The following ASXL1 variants were observed in gnomAD, a reference collection of about 807,000 sequenced individuals.
The protein encoded by ASXL1 is ASXL transcriptional regulator 1.
ASXL1 carries 65 observed loss-of-function variants against 89.1 expected under a neutral mutation model. The observed-to-expected ratio is 0.73, with a 90% CI of 0.60 to 0.90. ASXL1 has a LOEUF of 0.90. ASXL1 is among the 40% of genes least tolerant of loss of function. ASXL1 has a pLI of 0.00. For synonymous variants in ASXL1, 739 were observed against 746.9 expected, an observed-to-expected ratio of 0.99 and a Z score of 0.17; for missense variants, 1,786 against 1,942.9, an observed-to-expected ratio of 0.92 and a Z score of 1.52.
chr20:32,419,764 C>G (rs1317526284), intron 4 of ASXL1, among the ~76,000 whole-genome samples: 1 of 151,480 alleles, frequency 6.6e-6, no homozygotes, highest in Non-Finnish European at 1.5e-5. Flanking sequence ...TCACTGCAAC[C>G]TCCGTCTCCC....
chr20:32,436,982 C>T lies in ASXL1; in HGVS notation c.4270C>T (p.Pro1424Ser). The T allele has an allele frequency of 8.7e-6, 14 of 1,614,042 alleles. No homozygotes were observed. The highest frequency in any genetic ancestry group is 1.2e-5 in the Non-Finnish European group (14 of 1,180,000). Reference protein sequence around the residue: ...PREPGKGLSEPLEPSSLPSQL... With the variant: ...PREPGKGLSESLEPSSLPSQL... ...AGAGCCAGGGAAGGGGCTCAGTGAG[C>T]CTCTGGAGCCTTCTTCTCTCCCCTC... Residue 1424 changes from proline (P) to serine (S), a missense_variant, in exon 13 of 13, where the codon CCT (proline) becomes TCT (serine). Transcript: ENST00000375687.
intron 4 of ASXL1, among the ~76,000 whole-genome samples, chr20:32,409,549 A>C (rs1487217430): frequency 6.6e-6 from 1 of 152,184 alleles, no homozygotes; most frequent in Non-Finnish European, 1.5e-5. Flanking sequence ...TCAGAAAATT[A>C]ATGTTGATAT....
intron 4 of ASXL1, among the ~76,000 whole-genome samples, chr20:32,375,744 A>G (rs2048367729): frequency 6.6e-6 from 1 of 151,078 alleles, no homozygotes; most frequent in African/African-American, 2.4e-5. Context: ...GTGCAGTGGC[A>G]TGATCACGGC....
chr20:32,432,590 A>T, intron 10 of ASXL1: 1 of 382,508 alleles, frequency 2.6e-6, no homozygotes, highest in South Asian at 2.3e-5. Flanking sequence ...GGCCTTTCTA[A>T]GAGTAAACAA....
At chr20:32,379,517 C>T (rs1286069964) in intron 4 of ASXL1, among the ~76,000 whole-genome samples, 1 of 151,036 alleles carries the variant, frequency 6.6e-6, no homozygotes, top group East Asian at 2.0e-4. Flanking sequence ...CAACATTATT[C>T]ACTTTTGTTG....
At position 32,372,440 on chromosome 20, in the gene ASXL1, G is replaced by C. The variant is rs932213321; in HGVS notation, c.252+3317G>C. 7.9e-5 allele frequency: 85 copies of C among 1,076,640 alleles called. 1 individual carries two copies. The East Asian group carries it at 4.2e-3, about 53-fold the overall frequency. 66.7% of individuals were successfully genotyped at this position (1,076,640 alleles called of 1,614,324 possible). A position where few individuals can be genotyped will look rare whatever the true frequency, so the allele number is the denominator to read the frequency against. ...TTTTAATGGATTAATGGTTTGCTTG[G>C]TTGGTTCCTCTAGTTAGACTGTAAA... On this transcript the variant is annotated intron_variant, in intron 4 of 12. Transcript: ENST00000375687.
chr20:32,391,868 C>T (rs1447345120), intron 4 of ASXL1, among the ~76,000 whole-genome samples: 1 of 152,126 alleles, frequency 6.6e-6, no homozygotes, highest in Non-Finnish European at 1.5e-5. Context: ...TTGATATAGT[C>T]ACTCCAGTTC....
chr20:32,376,965 G>A (rs1000735396), intron 4 of ASXL1, among the ~76,000 whole-genome samples: 4 of 138,656 alleles, frequency 2.9e-5, no homozygotes, highest in Non-Finnish European at 3.1e-5. Context: ...GGCCAGGCAC[G>A]TGGCTCATGC....
At position 32,437,483 on chromosome 20, in the gene ASXL1, G is replaced by C. The variant is rs1390595902; in HGVS notation, c.*145G>C. ...TTCCCCCAAAATTTACACTGCTAAA[G>C]CCCTCTGTCACTTGGCGACCCTTCT... is the stretch of plus-strand genomic sequence containing the variant. On this transcript the variant is annotated 3_prime_UTR_variant, in exon 13 of 13. Transcript: ENST00000375687. 1 of 1,302,160 alleles carries C rather than the reference G, an allele frequency of 7.7e-7. No homozygotes were observed. Among genetic ancestry groups the C allele is most frequent in the African/African-American group, 1.5e-5 (1 of 68,400 alleles). 80.7% of individuals were successfully genotyped at this position (1,302,160 alleles called of 1,614,324 possible).
chr20:32,433,360 G>C lies in ASXL1; in HGVS notation c.1162G>C (p.Val388Leu), dbSNP rs145699348. 1.4e-5 allele frequency: 23 copies of C among 1,614,184 alleles called. No homozygotes were observed. The highest frequency in any genetic ancestry group is 1.9e-5 in the Non-Finnish European group (23 of 1,180,020). The change falls in exon 12 of 13, where the codon GTC becomes CTC. Residue 388 changes from valine to leucine, a missense_variant. Val to Leu is a conservative substitution (Grantham distance 32, BLOSUM62 1). Transcript: ENST00000375687. ...GGCTGAAATCAAAAGTGGCTTGTGT[G>C]TCCCAGGAGAATCAGTGCGTATACA... is the stretch of plus-strand genomic sequence containing the variant. ...EEAEIKSGLC[V>L]PGESVRIQRG...
chr20:32,374,566 A>T (rs534582882), intron 4 of ASXL1, among the ~76,000 whole-genome samples: 1 of 152,280 alleles, frequency 6.6e-6, no homozygotes, highest in South Asian at 2.1e-4. Flanking sequence ...AAGTGCTGGG[A>T]TTACAGGTGT....
rs2011803887 is a variant in ASXL1 at position 32,435,692 on chromosome 20, C to T, written c.2980C>T (p.Pro994Ser). 2 of 1,614,066 alleles carry T rather than the reference C, an allele frequency of 1.2e-6. No homozygotes were observed. Among genetic ancestry groups the T allele is most frequent in the Non-Finnish European group, 8.5e-7 (1 of 1,180,038 alleles). Residue 994 changes from proline (P) to serine (S), a missense_variant, in exon 13 of 13, where the codon CCT becomes TCT. Transcript: ENST00000375687. ...KINGDSEALS[P>S]HGESTDTASD... Reference sequence around the variant, plus strand: ...CAACGGAGACTCTGAAGCACTGAGTCCTCACGGTGAGTCCACGGATACAGC... The same window carrying T: ...CAACGGAGACTCTGAAGCACTGAGTTCTCACGGTGAGTCCACGGATACAGC...
intron 1 of ASXL1, among the ~76,000 whole-genome samples, chr20:32,362,680 C>T (rs1426132739): frequency 6.6e-6 from 1 of 152,088 alleles, no homozygotes; most frequent in Non-Finnish European, 1.5e-5. Flanking sequence ...AAAAACCTTT[C>T]GTAGAGGAAA....
rs148069671 is a variant in ASXL1 at position 32,385,361 on chromosome 20, A to G, written c.252+16238A>G. Reference sequence around the variant, plus strand: ...GTCAGTTCTCAAATGTTTGAGAAGCATGCTCAAGGATCTGGAGGAATAGCT... The same window carrying G: ...GTCAGTTCTCAAATGTTTGAGAAGCGTGCTCAAGGATCTGGAGGAATAGCT... On this transcript the variant is annotated intron_variant, in intron 4 of 12. Coordinates refer to ENST00000375687, the MANE Select transcript of ASXL1 (RefSeq NM_015338.6). Among the ~76,000 whole-genome samples, 211 of 152,342 alleles carry G rather than the reference A, an allele frequency of 1.4e-3. 2 individuals are homozygous for G. Among genetic ancestry groups the G allele is most frequent in the African/African-American group, 5.0e-3 (208 of 41,588 alleles).
intron 10 of ASXL1, 40 bp downstream of exon 10, chr20:32,431,719 C>A (rs372718099): frequency 1.9e-6 from 3 of 1,595,400 alleles, no homozygotes; most frequent in Admixed American, 1.7e-5. Flanking sequence ...TGCGACGCAC[C>A]TGTCGTGTGG....
intron 4 of ASXL1, among the ~76,000 whole-genome samples, chr20:32,401,259 G>A (rs1248232433): frequency 1.3e-5 from 2 of 152,110 alleles, no homozygotes; most frequent in African/African-American, 4.8e-5. Flanking sequence ...ATTATCACTA[G>A]TCAGGTTATA....
chr20:32,429,750 A>AG lies in ASXL1; in HGVS notation c.566-150dup. On this transcript the variant is annotated intron_variant, in intron 7 of 12. Coordinates refer to ENST00000375687, the MANE Select transcript of ASXL1 (RefSeq NM_015338.6). This position sits in a 1 kb window ranked among gnomAD's most constrained non-coding sequence, Gnocchi z 4.9. The stretch of plus-strand genomic sequence containing the variant: ...GTGATATTTTAAAGCCAGACCATGA[A>AG]GTGGTGGTTTCTCTCAGCCTAAGGC... 1 of 1,098,882 alleles carries AG rather than the reference A, an allele frequency of 9.1e-7. No individual in the cohort carries two copies. Among genetic ancestry groups the AG allele is most frequent in the East Asian group, 2.4e-5 (1 of 42,028 alleles). The allele number at this position is 1,098,882 out of a possible 1,614,324, so 68.1% of individuals were successfully genotyped here.
intron 1 of ASXL1, chr20:32,359,408 G>A (rs1257903092): frequency 7.1e-6 from 5 of 702,072 alleles, no homozygotes; most frequent in South Asian, 5.9e-5. Context: ...AGTGTCCTGT[G>A]GGCGACACCT....
At chr20:32,395,026 A>T (rs917884855) in intron 4 of ASXL1, among the ~76,000 whole-genome samples, 1 of 152,160 alleles carries the variant, frequency 6.6e-6, no homozygotes, top group African/African-American at 2.4e-5. Context: ...AAAAGATTTT[A>T]AAAGTAAGAA....
Sources: gnomAD v4.1 joint callset for allele counts (sites outside exome capture counted in the v4.1 genomes callset) on GRCh38, gnomAD v4.1.1 for gene constraint, Gnocchi (gnomAD v3.1) non-coding constraint, MANE v1.5 for transcripts, NCBI Gene and HGNC (gene_info 2026-07-23, HGNC 2026-07-21) for gene names.